N4BP2L1: variants seen among roughly 807,000 people sequenced by gnomAD.
N4BP2L1 encodes NEDD4 binding protein 2 like 1, also known as NEDD4-binding protein 2-like 1.
A neutral mutation model predicts 21.2 loss-of-function variants in N4BP2L1; 12 were observed. The observed-to-expected ratio is 0.57, with a 90% CI of 0.36 to 0.92. The LOEUF (loss-of-function observed/expected upper bound fraction) is 0.92. N4BP2L1 is among the 40% of genes least tolerant of loss of function. The pLI is 0.01. For missense variants in N4BP2L1, 259 were observed against 310.6 expected (o/e 0.83, Z 1.25); for synonymous variants, 104 against 112.8 (o/e 0.92, Z 0.49).
intron 1 of N4BP2L1, among the ~76,000 whole-genome samples, chr13:32,418,876 G>C (rs139743489): frequency 6.6e-6 from 1 of 152,180 alleles, no homozygotes; most frequent in Non-Finnish European, 1.5e-5. Flanking sequence ...TGGAATAGGT[G>C]TATTTACCCA....
chr13:32,402,768 G>T lies in N4BP2L1; in HGVS notation c.*174C>A. On this transcript the variant is annotated 3_prime_UTR_variant, in exon 5 of 5. Coordinates refer to ENST00000380130, the MANE Select transcript of N4BP2L1 (RefSeq NM_052818.3). ...TTCCCAGCATCAGACCATGCATATAGAAGCACTTTAACAAATTTTGGTGAA... is the reference window on the plus strand; with the variant it reads ...TTCCCAGCATCAGACCATGCATATATAAGCACTTTAACAAATTTTGGTGAA... 2.1e-6 allele frequency: 3 copies of T among 1,396,620 alleles called. No individual in the cohort carries two copies. The allele number at this position is 1,396,620 out of a possible 1,614,324, so 86.5% of individuals were successfully genotyped here. A position where few individuals can be genotyped will look rare whatever the true frequency, so the allele number is the denominator to read the frequency against.
intron 1 of N4BP2L1, chr13:32,420,580 C>T (rs925749896): frequency 2.0e-5 from 3 of 152,182 alleles, no homozygotes; most frequent in Non-Finnish European, 4.4e-5. Flanking sequence ...TTTTCACCTG[C>T]AACAAATAGG....
At position 32,403,043 on chromosome 13, in the gene N4BP2L1, A is replaced by G. The variant is rs2073245096; in HGVS notation, c.631T>C (p.Tyr211His). Residue 211 changes from tyrosine (Y) to histidine (H), a missense_variant, in exon 5 of 5, where the codon TAC becomes CAC. This residue lies in a region of N4BP2L1 where 108 missense variants were observed against 107.8 expected (regional missense o/e 1.00). Transcript: ENST00000380130. ...NNALPSNNARYWNSYTEFPNR... is the reference protein window; with the variant it reads ...NNALPSNNARHWNSYTEFPNR... ...GGAAACTCTGTGTAGGAATTCCAGT[A>G]TCTGGCATTGTTGGAAGGCAATGCA... 3 of 1,614,010 alleles carry G rather than the reference A, an allele frequency of 1.9e-6. No individual in the cohort carries two copies. The African/African-American group carries it at 4.0e-5, about 22-fold the overall frequency.
Position 32,407,689 on chromosome 13 carries a change from T to C in N4BP2L1, c.263A>G (p.Asn88Ser), listed in dbSNP as rs1390567636. ...ATGAGCTTCCTCCAGGAAGTCAGGA[T>C]TGAACTCATAGGCACCATCTTCCCT... is the stretch of plus-strand genomic sequence containing the variant. ...FFREDGAYEF[N>S]PDFLEEAHEW... Residue 88 changes from asparagine to serine, a missense_variant, in exon 2 of 5, where the codon AAT becomes AGT. Asn to Ser is a conservative substitution (Grantham distance 46). Transcript: ENST00000380130. The C allele has an allele frequency of 6.2e-7, 1 of 1,614,074 alleles. No individual in the cohort carries two copies. Among genetic ancestry groups the C allele is most frequent in the East Asian group, 2.2e-5 (1 of 44,884 alleles).
At chr13:32,423,419 T>A (rs1208574273) in intron 1 of N4BP2L1, among the ~76,000 whole-genome samples, 1 of 152,222 alleles carries the variant, frequency 6.6e-6, no homozygotes, top group Non-Finnish European at 1.5e-5. Flanking sequence ...CCCCTGACTT[T>A]GCTTTGATTG....
At chr13:32,405,964 A>G (rs561143798) in intron 3 of N4BP2L1, among the ~76,000 whole-genome samples, 90 of 133,690 alleles carry the variant, frequency 6.7e-4, no homozygotes, top group African/African-American at 2.5e-3. Flanking sequence ...GTGCAGTGGC[A>G]CGATCTCAGC....
At chr13:32,418,747 T>C (rs2074288540) in intron 1 of N4BP2L1, among the ~76,000 whole-genome samples, 2 of 152,250 alleles carry the variant, frequency 1.3e-5, no homozygotes, top group Non-Finnish European at 2.9e-5. Flanking sequence ...CAGCATGACC[T>C]GGATATGAGA....
At chr13:32,410,400 GGCCCA>G (rs754636098) in intron 1 of N4BP2L1, among the ~76,000 whole-genome samples, 6 of 152,218 alleles carry the variant, frequency 3.9e-5, no homozygotes, top group Non-Finnish European at 8.8e-5. Context: ...TCACTTTGCT[GGCCCA>G]CATTGAAGGG....
chr13:32,416,636 T>G (rs186389499), intron 1 of N4BP2L1: 1 of 152,308 alleles, frequency 6.6e-6, no homozygotes, highest in Admixed American at 6.5e-5. Context: ...TTTTTTTCTC[T>G]GATAGAATAC....
At chr13:32,422,022 G>C (rs1045379360) in intron 1 of N4BP2L1, among the ~76,000 whole-genome samples, 3 of 152,140 alleles carry the variant, frequency 2.0e-5, no homozygotes, top group Non-Finnish European at 4.4e-5. Flanking sequence ...TTGGGAGTTG[G>C]AAGTTGACTA....
chr13:32,426,686 C>T (rs569573561), intron 1 of N4BP2L1, among the ~76,000 whole-genome samples: 4 of 152,276 alleles, frequency 2.6e-5, no homozygotes, highest in South Asian at 2.1e-4. Flanking sequence ...CATGGCTAGC[C>T]TTATCTCTCC....
At chr13:32,418,455 G>C (rs1011853158) in intron 1 of N4BP2L1, among the ~76,000 whole-genome samples, 1 of 152,314 alleles carries the variant, frequency 6.6e-6, no homozygotes, top group African/African-American at 2.4e-5. Flanking sequence ...TGCAGGGGTG[G>C]TGCCCTCATG....
Position 32,402,152 on chromosome 13 carries a change from AAGTT to A in N4BP2L1, c.*786_*789del, listed in dbSNP as rs748975742. On this transcript the variant is annotated 3_prime_UTR_variant, in exon 5 of 5. Coordinates refer to ENST00000380130, the MANE Select transcript of N4BP2L1 (RefSeq NM_052818.3). Reference sequence around the variant, plus strand: ...TTTAGAAGTCGTTTATTCCTTTTAAAAGTTAGTGTTTTATGAAGGCAGGCTTATT... The same window carrying A: ...TTTAGAAGTCGTTTATTCCTTTTAAAAGTGTTTTATGAAGGCAGGCTTATT... 9.1e-6 allele frequency: 9 copies of A among 985,042 alleles called. No individual in the cohort carries two copies. The highest frequency in any genetic ancestry group is 4.7e-5 in the South Asian group (1 of 21,272). 61.0% of individuals were successfully genotyped at this position (985,042 alleles called of 1,614,324 possible).
intron 1 of N4BP2L1, among the ~76,000 whole-genome samples, chr13:32,422,619 T>G (rs2074545180): frequency 6.6e-6 from 1 of 152,244 alleles, no homozygotes; most frequent in Non-Finnish European, 1.5e-5. Flanking sequence ...AATGTGTTTG[T>G]GGTGAATCTC....
chr13:32,410,839 A>AT (rs889738686), intron 1 of N4BP2L1, among the ~76,000 whole-genome samples: 5 of 150,188 alleles, frequency 3.3e-5, no homozygotes, highest in Admixed American at 6.6e-5. Flanking sequence ...TGAATCCAAG[A>AT]TTTTTTTTTT....
chr13:32,404,201 A>ACCATTTCTGGCCTGAAAACTACCATGT, intron 4 of N4BP2L1, 120 bp downstream of exon 4: 1 of 1,609,390 alleles, frequency 6.2e-7, no homozygotes, highest in South Asian at 1.1e-5. Context: ...TCCAAGAATT[A>ACCATTTCTGGCCTGAAAACTACCATGT]CCATTTCTGG....
At chr13:32,403,470 C>T (rs936189914) in intron 4 of N4BP2L1, among the ~76,000 whole-genome samples, 1 of 152,118 alleles carries the variant, frequency 6.6e-6, no homozygotes, top group East Asian at 1.9e-4. Flanking sequence ...TTACGTGCTT[C>T]AAGACATAAA....
At chr13:32,420,883 C>T (rs1030317117) in intron 1 of N4BP2L1, among the ~76,000 whole-genome samples, 24 of 151,776 alleles carry the variant, frequency 1.6e-4, no homozygotes, top group Non-Finnish European at 3.1e-4. Context: ...TTAGTAGAGA[C>T]GGGGTTTCAC....
At chr13:32,403,659 A>C in intron 4 of N4BP2L1, 1 of 533,796 alleles carries the variant, frequency 1.9e-6, no homozygotes, top group Non-Finnish European at 3.8e-6. Context: ...TAATTACCAG[A>C]GATTCCAACT....
Sources: gnomAD v4.1 joint callset for allele counts (sites outside exome capture counted in the v4.1 genomes callset) on GRCh38, gnomAD v4.1.1 for gene constraint, gnomAD v4.1.1 regional missense constraint, MANE v1.5 for transcripts, NCBI Gene and HGNC (gene_info 2026-07-23, HGNC 2026-07-21) for gene names.